Variants in ASIC2 observed in about 807,000 individuals in gnomAD.
ASIC2 encodes acid-sensing ion channel 2.
ASIC2 carries 25 observed loss-of-function variants against 57.3 expected under a neutral mutation model. That is an observed-to-expected ratio of 0.44 (90% CI 0.32 to 0.61). ASIC2 has a LOEUF of 0.61. ASIC2 is among the 20% of genes least tolerant of loss of function. The pLI is 0.06. For missense variants in ASIC2, 641 were observed against 738.1 expected (o/e 0.87, Z 1.52); for synonymous variants, 319 against 307.5 (o/e 1.04, Z -0.39).
chr17:33,180,241 C>T (rs991756554), intron 1 of ASIC2, among the ~76,000 whole-genome samples: 5 of 152,172 alleles, frequency 3.3e-5, no homozygotes, highest in Non-Finnish European at 7.3e-5. Flanking sequence ...ACTAGAAATC[C>T]CTGAGCATTC....
intron 1 of ASIC2, among the ~76,000 whole-genome samples, chr17:33,662,668 T>TACATACATAAAA: frequency 1.6e-5 from 2 of 128,102 alleles, no homozygotes; most frequent in East Asian, 4.1e-4. Context: ...AATAAATAAA[T>TACATACATAAAA]AAGTAAAATA....
At chr17:33,073,148 T>C (rs2092076112) in intron 3 of ASIC2, among the ~76,000 whole-genome samples, 1 of 152,204 alleles carries the variant, frequency 6.6e-6, no homozygotes, top group South Asian at 2.1e-4. Flanking sequence ...AGGACACAGA[T>C]AACAGCAATG....
chr17:33,552,022 A>T (rs1438981332), intron 1 of ASIC2, among the ~76,000 whole-genome samples: 1 of 152,176 alleles, frequency 6.6e-6, no homozygotes, highest in Non-Finnish European at 1.5e-5. Context: ...CAGGCTCTTC[A>T]GACAGTCGGG....
At chr17:33,627,316 C>T (rs908673397) in intron 1 of ASIC2, 1 of 152,172 alleles carries the variant, frequency 6.6e-6, no homozygotes, top group Admixed American at 6.5e-5. Flanking sequence ...TCTTGATATC[C>T]CAAATCCAGT....
intron 1 of ASIC2, among the ~76,000 whole-genome samples, chr17:33,476,922 G>C (rs764886112): frequency 1.8e-4 from 28 of 152,038 alleles, no homozygotes; most frequent in Non-Finnish European, 3.5e-4. Flanking sequence ...TCAGCAGTTG[G>C]GGAGACCTCT....
At chr17:33,180,202 G>T (rs532698148) in intron 1 of ASIC2, among the ~76,000 whole-genome samples, 1 of 152,140 alleles carries the variant, frequency 6.6e-6, no homozygotes, top group Non-Finnish European at 1.5e-5. Context: ...TTCTATTTAC[G>T]TCCACCTTTT....
At chr17:33,177,893 T>A (rs1905822907) in intron 1 of ASIC2, among the ~76,000 whole-genome samples, 1 of 152,148 alleles carries the variant, frequency 6.6e-6, no homozygotes, top group African/African-American at 2.4e-5. Flanking sequence ...TGGAGACCAG[T>A]CTAGTTCCTG....
intron 1 of ASIC2, among the ~76,000 whole-genome samples, chr17:33,270,064 C>G (rs553025554): frequency 6.6e-6 from 1 of 152,332 alleles, no homozygotes; most frequent in African/African-American, 2.4e-5. Context: ...TAACTAGACA[C>G]TAATCTCATT....
intron 1 of ASIC2, among the ~76,000 whole-genome samples, chr17:33,550,424 G>A (rs527738533): frequency 1.1e-4 from 16 of 152,322 alleles, no homozygotes; most frequent in African/African-American, 2.6e-4. Context: ...TTAACAGGGC[G>A]GGACAAATCA....
intron 1 of ASIC2, among the ~76,000 whole-genome samples, chr17:33,351,222 C>A (rs370998198): frequency 2.0e-5 from 3 of 152,006 alleles, no homozygotes; most frequent in Admixed American, 6.6e-5. Context: ...ATTTGGCCCC[C>A]CTCCTCCCCT....
At chr17:33,045,178 T>G (rs2091948194) in intron 3 of ASIC2, among the ~76,000 whole-genome samples, 1 of 152,120 alleles carries the variant, frequency 6.6e-6, no homozygotes, top group Non-Finnish European at 1.5e-5. Flanking sequence ...CACGCACTAG[T>G]AGGTATCACC....
intron 1 of ASIC2, among the ~76,000 whole-genome samples, chr17:33,846,841 C>T (rs1208627469): frequency 2.0e-5 from 3 of 152,044 alleles, no homozygotes; most frequent in Non-Finnish European, 4.4e-5. Context: ...TCTCCTGCCT[C>T]AGCCTCCCGA....
chr17:33,084,065 G>A (rs1181550314), intron 3 of ASIC2, among the ~76,000 whole-genome samples: 1 of 152,026 alleles, frequency 6.6e-6, no homozygotes, highest in Non-Finnish European at 1.5e-5. Context: ...TACCTTATAA[G>A]CATCCCATGC....
intron 1 of ASIC2, among the ~76,000 whole-genome samples, chr17:33,535,730 A>C (rs1915208341): frequency 6.6e-6 from 1 of 152,194 alleles, no homozygotes; most frequent in South Asian, 2.1e-4. Context: ...ATGCTTCCAA[A>C]AAGCAGAACA....
At chr17:33,320,291 T>C (rs143104146) in intron 1 of ASIC2, among the ~76,000 whole-genome samples, 44 of 152,292 alleles carry the variant, frequency 2.9e-4, no homozygotes, top group African/African-American at 1.0e-3. Context: ...TTTATTAATG[T>C]TGTTTGTTGA....
At chr17:34,045,812 C>T (rs1255196321) in intron 1 of ASIC2, among the ~76,000 whole-genome samples, 1 of 152,200 alleles carries the variant, frequency 6.6e-6, no homozygotes, top group Non-Finnish European at 1.5e-5. Flanking sequence ...CTGACAATTT[C>T]TTATAACCCT....
At chr17:33,189,724 A>G (rs1318444026) in intron 1 of ASIC2, among the ~76,000 whole-genome samples, 1 of 152,192 alleles carries the variant, frequency 6.6e-6, no homozygotes, top group East Asian at 1.9e-4. Context: ...AATGATAAAG[A>G]GGTCAATTCA....
In ASIC2 at chr17:33,725,005, G is replaced by A. The variant is rs536185998; in HGVS notation, c.555+430973C>T. Among the ~76,000 whole-genome samples, 321 of 152,334 alleles carry A rather than the reference G, an allele frequency of 2.1e-3. 1 individual carries two copies. The highest frequency in any genetic ancestry group is 7.4e-3 in the African/African-American group (306 of 41,582). ...AGCTGCTGGTCTGGAAGCCACAGCC[G>A]AGATCTGAAAGGCAGGTTGGCAGCT... On this transcript the variant is annotated intron_variant, in intron 1 of 9. Coordinates refer to the ASIC2 transcript ENST00000359872.
At chr17:33,711,609 C>T (rs1485875039) in intron 1 of ASIC2, among the ~76,000 whole-genome samples, 2 of 152,116 alleles carry the variant, frequency 1.3e-5, no homozygotes, top group African/African-American at 2.4e-5. Flanking sequence ...CTCAGGGGGC[C>T]TCAGGAAATT....
Sources: gnomAD v4.1 joint callset for allele counts (sites outside exome capture counted in the v4.1 genomes callset) on GRCh38, gnomAD v4.1.1 for gene constraint, MANE v1.5 for transcripts, NCBI Gene and HGNC (gene_info 2026-07-23, HGNC 2026-07-21) for gene names.